TPGS2: variants seen among roughly 807,000 people sequenced by gnomAD.
The protein encoded by TPGS2 is tubulin polyglutamylase complex subunit 2.
TPGS2 carries 26 observed loss-of-function variants against 31.1 expected under a neutral mutation model. That is an observed-to-expected ratio of 0.84 (90% CI 0.61 to 1.16). The LOEUF (loss-of-function observed/expected upper bound fraction) is 1.16, where lower values mean the gene tolerates loss of function less well. Among genes scored for constraint, TPGS2 ranks in the 50% most tolerant of loss-of-function variants. The pLI is 0.00. For missense variants in TPGS2, 351 were observed against 363.8 expected, an observed-to-expected ratio of 0.96 and a Z score of 0.29; for synonymous variants, 130 against 136.6, an observed-to-expected ratio of 0.95 and a Z score of 0.34.
At chr18:36,819,713 C>A (rs1019803978) in intron 1 of TPGS2, among the ~76,000 whole-genome samples, 1 of 152,166 alleles carries the variant, frequency 6.6e-6, no homozygotes, top group East Asian at 1.9e-4. Context: ...TAAAATTTGT[C>A]ATAAAAGCTG....
chr18:36,799,355 G>A (rs2044690301), intron 5 of TPGS2, among the ~76,000 whole-genome samples: 1 of 152,154 alleles, frequency 6.6e-6, no homozygotes, highest in Admixed American at 6.6e-5. Flanking sequence ...ATCAGAGACA[G>A]CAATTAGCCT....
At chr18:36,828,107 G>A (rs1403253917) in intron 1 of TPGS2, among the ~76,000 whole-genome samples, 1 of 152,154 alleles carries the variant, frequency 6.6e-6, no homozygotes, top group African/African-American at 2.4e-5. Context: ...GGCGCAGGTT[G>A]CAGTGAGCCG....
intron 4 of TPGS2, among the ~76,000 whole-genome samples, chr18:36,804,644 A>G (rs1240128376): frequency 6.6e-6 from 1 of 152,236 alleles, no homozygotes; most frequent in Non-Finnish European, 1.5e-5. Flanking sequence ...TGGAGACATT[A>G]GTTGCCTATT....
In TPGS2 at chr18:36,796,420, T is replaced by G. The variant is rs1268512493; in HGVS notation, c.*385A>C. The G allele has an allele frequency of 8.9e-6, 9 of 1,011,560 alleles. No homozygotes were observed. In the East Asian group the frequency reaches 2.8e-4, roughly 32 times the overall value. The allele number at this position is 1,011,560 out of a possible 1,614,324, so 62.7% of individuals were successfully genotyped here. Reference sequence around the variant, plus strand: ...TACTTTAAATTTAAATAGTCATATGTGACTAGTGGCTCCTGAATGAACAAT... The same window carrying G: ...TACTTTAAATTTAAATAGTCATATGGGACTAGTGGCTCCTGAATGAACAAT... On this transcript the variant is annotated 3_prime_UTR_variant, in exon 7 of 7. Transcript: ENST00000334295.
At chr18:36,801,785 A>G (rs1035894451) in intron 4 of TPGS2, among the ~76,000 whole-genome samples, 2 of 152,086 alleles carry the variant, frequency 1.3e-5, no homozygotes, top group African/African-American at 4.8e-5. Flanking sequence ...CAATCTGATT[A>G]TGGTGTTTCT....
chr18:36,793,313 T>A (rs796973652), downstream of TPGS2, among the ~76,000 whole-genome samples: 3 of 152,182 alleles, frequency 2.0e-5, no homozygotes, highest in African/African-American at 7.2e-5. Context: ...GAGAACTCCA[T>A]TGGACCCATG....
chr18:36,792,746 T>A (rs1408478182), downstream of TPGS2, among the ~76,000 whole-genome samples: 1 of 152,180 alleles, frequency 6.6e-6, no homozygotes, highest in Admixed American at 6.5e-5. Flanking sequence ...AAGGGCTAGA[T>A]TCTGTGGATT....
At chr18:36,792,344 G>A (rs1023464565), downstream of TPGS2, among the ~76,000 whole-genome samples, 14 of 152,176 alleles carry the variant, frequency 9.2e-5, no homozygotes, top group Non-Finnish European at 4.4e-5. Flanking sequence ...GTTGACAATT[G>A]ATGAACCTGG....
At chr18:36,824,703 ATTAT>A (rs1449783057) in intron 1 of TPGS2, among the ~76,000 whole-genome samples, 2 of 152,094 alleles carry the variant, frequency 1.3e-5, no homozygotes, top group Non-Finnish European at 2.9e-5. Flanking sequence ...TTAAAATTGA[ATTAT>A]TTGTCTTTTT....
At chr18:36,798,163 A>G (rs1347314188) in intron 6 of TPGS2, 3 of 1,223,058 alleles carry the variant, frequency 2.5e-6, no homozygotes, top group East Asian at 3.8e-5. Flanking sequence ...TGTACTGCCA[A>G]CCCAGAACAA....
At chr18:36,828,630 C>T (rs1344394964) in intron 1 of TPGS2, 53 bp downstream of exon 1, 8 of 1,598,382 alleles carry the variant, frequency 5.0e-6, no homozygotes, top group Non-Finnish European at 6.0e-6. Context: ...CATCCCTCCG[C>T]TCCTCCTTCC....
At chr18:36,822,784 G>A (rs1171776832) in intron 1 of TPGS2, among the ~76,000 whole-genome samples, 1 of 152,002 alleles carries the variant, frequency 6.6e-6, no homozygotes, top group Non-Finnish European at 1.5e-5. Flanking sequence ...TTTTTGTAGA[G>A]ACAGGGGTCT....
Position 36,794,179 on chromosome 18 carries a change from GAGAA to G in TPGS2, c.*2622_*2625del. ...ATAAAAAACACAGCCATAACAAGTTGAGAAAGACACTATGGAAGAAAGGAAAAAC... is the reference window on the plus strand; with the variant it reads ...ATAAAAAACACAGCCATAACAAGTTGAGACACTATGGAAGAAAGGAAAAAC... On this transcript the variant is annotated 3_prime_UTR_variant, in exon 7 of 7. Transcript: ENST00000334295. 1.3e-6 allele frequency: 1 copy of G among 745,072 alleles called. No homozygotes were observed. Among genetic ancestry groups the G allele is most frequent in the Non-Finnish European group, 1.6e-6 (1 of 610,510 alleles). 46.2% of individuals were successfully genotyped at this position (745,072 alleles called of 1,614,324 possible).
In TPGS2 at chr18:36,828,668, G is replaced by GC; in HGVS notation, c.85+14dup. ...CTCCTCCACACCCTCTCGGCACCGT[G>GC]CCCCCTTTCCTCACCTAGGATGCGC... On this transcript the variant is annotated intron_variant, in intron 1 of 6. Transcript: ENST00000334295. 2 of 1,613,744 alleles carry GC rather than the reference G, an allele frequency of 1.2e-6. No individual in the cohort carries two copies. Among genetic ancestry groups the GC allele is most frequent in the Non-Finnish European group, 1.7e-6 (2 of 1,179,766 alleles).
intron 3 of TPGS2, chr18:36,806,073 T>C (rs541718972): frequency 2.0e-5 from 3 of 152,334 alleles, no homozygotes; most frequent in African/African-American, 7.2e-5. Context: ...GGAAGCTCCA[T>C]GTTTTCTTTA....
Position 36,795,766 on chromosome 18 carries a change from C to G in TPGS2, c.*1039G>C. 1.0e-6 allele frequency: 1 copy of G among 985,436 alleles called. No individual in the cohort carries two copies. Among genetic ancestry groups the G allele is most frequent in the Non-Finnish European group, 1.2e-6 (1 of 829,940 alleles). The allele number at this position is 985,436 out of a possible 1,614,324, so 61.0% of individuals were successfully genotyped here. A position where few individuals can be genotyped will look rare whatever the true frequency, so the allele number is the denominator to read the frequency against. ...GGAACTCTTGGAAGCCCACCCTGTT[C>G]TAAGCAGGAGACTGCTTGTCCTAAG... On this transcript the variant is annotated 3_prime_UTR_variant, in exon 7 of 7. Transcript: ENST00000334295.
intron 1 of TPGS2, among the ~76,000 whole-genome samples, chr18:36,827,862 GT>G (rs2046244627): frequency 6.6e-6 from 1 of 152,064 alleles, no homozygotes; most frequent in East Asian, 1.9e-4. Flanking sequence ...ACAGAACTGT[GT>G]CTTTTTCATA....
In TPGS2 at chr18:36,794,355, C is replaced by G. The variant is rs2044424663; in HGVS notation, c.*2450G>C. The G allele has an allele frequency of 3.0e-6, 3 of 985,360 alleles. No homozygotes were observed. Among genetic ancestry groups the G allele is most frequent in the African/African-American group, 1.7e-5 (1 of 57,222 alleles). The allele number at this position is 985,360 out of a possible 1,614,324, so 61.0% of individuals were successfully genotyped here. ...TTCTGAGGCAGGTCTTGAGCCTTTC[C>G]TTATCATAACCCCCTTCCTTTGATA... On this transcript the variant is annotated 3_prime_UTR_variant, in exon 7 of 7. Transcript: ENST00000334295.
chr18:36,790,875 G>C (rs954770497), downstream of TPGS2, among the ~76,000 whole-genome samples: 2 of 152,052 alleles, frequency 1.3e-5, no homozygotes, highest in Admixed American at 6.6e-5. Flanking sequence ...TATTTCATGG[G>C]GTTCCATACT....
Sources: allele counts gnomAD v4.1 joint callset (sites outside exome capture counted in the v4.1 genomes callset), GRCh38; gene constraint gnomAD v4.1.1; transcripts MANE v1.5; gene names NCBI Gene and HGNC (gene_info 2026-07-23, HGNC 2026-07-21).